DPP10: variants seen among roughly 807,000 people sequenced by gnomAD.
DPP10 encodes the protein dipeptidyl peptidase like 10, also known as inactive dipeptidyl peptidase 10.
Under a neutral mutation model 120.9 loss-of-function variants are expected in DPP10, and 33 were observed. That is an observed-to-expected ratio of 0.27 (90% CI 0.21 to 0.37). The LOEUF (loss-of-function observed/expected upper bound fraction) is 0.37. Among genes scored for constraint, DPP10 ranks in the 10% least tolerant of loss-of-function variants. DPP10 has a pLI of 1.00. For missense variants in DPP10, 816 were observed against 942.8 expected (o/e 0.87, Z 1.76); for synonymous variants, 337 against 326.1 (o/e 1.03, Z -0.36).
intron 1 of DPP10, among the ~76,000 whole-genome samples, chr2:114,661,859 C>A (rs1288327845): frequency 6.6e-6 from 1 of 152,142 alleles, no homozygotes; most frequent in Non-Finnish European, 1.5e-5. Flanking sequence ...AACGTCTTCT[C>A]CTTAATAAAA....
chr2:114,829,453 G>A (rs1024580210), intron 1 of DPP10, among the ~76,000 whole-genome samples: 7 of 148,988 alleles, frequency 4.7e-5, no homozygotes, highest in African/African-American at 1.2e-4. Flanking sequence ...GCAAGACCTC[G>A]GCTCACTGCA....
At chr2:114,582,084 T>C (rs139017700) in intron 1 of DPP10, among the ~76,000 whole-genome samples, 16 of 152,340 alleles carry the variant, frequency 1.1e-4, no homozygotes, top group Non-Finnish European at 2.2e-4. Flanking sequence ...ATAGTTTCAC[T>C]GTCTTAAAAA....
chr2:115,640,484 A>T (rs1339771523), intron 5 of DPP10, among the ~76,000 whole-genome samples: 1 of 151,932 alleles, frequency 6.6e-6, no homozygotes, highest in Admixed American at 6.6e-5. Flanking sequence ...AAAAAACGAC[A>T]TCTTGATCTC....
chr2:114,681,816 T>A (rs1249034315), intron 1 of DPP10, among the ~76,000 whole-genome samples: 1 of 152,034 alleles, frequency 6.6e-6, no homozygotes, highest in Non-Finnish European at 1.5e-5. Context: ...AATAATTAAT[T>A]TGCTATATTT....
At chr2:114,576,012 C>T (rs1260416058) in intron 1 of DPP10, among the ~76,000 whole-genome samples, 3 of 152,136 alleles carry the variant, frequency 2.0e-5, no homozygotes, top group Non-Finnish European at 2.9e-5. Flanking sequence ...ATCAAAAGCA[C>T]CACTACAATT....
At chr2:115,679,486 C>G (rs1488089015) in intron 5 of DPP10, among the ~76,000 whole-genome samples, 1 of 152,114 alleles carries the variant, frequency 6.6e-6, no homozygotes, top group African/African-American at 2.4e-5. Flanking sequence ...TGAGGCCTTC[C>G]CAGCCATTTG....
chr2:114,566,444 A>C (rs115585763), intron 1 of DPP10, among the ~76,000 whole-genome samples: 1 of 152,328 alleles, frequency 6.6e-6, no homozygotes, highest in African/African-American at 2.4e-5. Context: ...GCTCCTCGAC[A>C]TCTTCTTTTC....
chr2:114,998,770 C>T (rs1281535767), intron 1 of DPP10, among the ~76,000 whole-genome samples: 2 of 152,152 alleles, frequency 1.3e-5, no homozygotes, highest in African/African-American at 2.4e-5. Context: ...ACAGAAAACG[C>T]ACAGAGGAAA....
At chr2:114,772,414 C>T (rs139236994) in intron 1 of DPP10, among the ~76,000 whole-genome samples, 4,709 of 152,152 alleles carry the variant, frequency 0.031, 255 homozygotes, top group African/African-American at 0.11. Context: ...CCCACTCGGC[C>T]TACCAAAGTG....
intron 1 of DPP10, among the ~76,000 whole-genome samples, chr2:114,651,929 C>T (rs1696614720): frequency 6.6e-6 from 1 of 152,050 alleles, no homozygotes; most frequent in African/African-American, 2.4e-5. Context: ...ATGTGCTTGC[C>T]CGGAAGATGA....
intron 5 of DPP10, among the ~76,000 whole-genome samples, chr2:115,633,216 T>C (rs2149324203): frequency 6.6e-6 from 1 of 152,286 alleles, no homozygotes; most frequent in Non-Finnish European, 1.5e-5. Context: ...ATTAAGACAA[T>C]GTGGCACATA....
At chr2:114,564,050 A>G (rs944797497) in intron 1 of DPP10, among the ~76,000 whole-genome samples, 1 of 152,222 alleles carries the variant, frequency 6.6e-6, no homozygotes, top group African/African-American at 2.4e-5. Context: ...TTCGCCTTCC[A>G]GCAATCGATT....
chr2:115,106,391 G>A (rs1417696938), intron 1 of DPP10, among the ~76,000 whole-genome samples: 13 of 152,138 alleles, frequency 8.5e-5, no homozygotes, highest in Non-Finnish European at 5.9e-5. Context: ...TTAGAAATGA[G>A]GGAATAAAGT....
chr2:115,753,283 G>C lies in DPP10; in HGVS notation c.1060G>C (p.Gly354Arg), dbSNP rs1575681945. 2 of 1,600,932 alleles carry C rather than the reference G, an allele frequency of 1.2e-6. No homozygotes were observed. Among genetic ancestry groups the C allele is most frequent in the East Asian group, 4.5e-5 (2 of 44,264 alleles). Residue 354 changes from glycine to arginine, a missense_variant, in exon 11 of 26, where the codon GGT becomes CGT. By Grantham distance (125) the Gly-to-Arg change is moderately radical (BLOSUM62 -2). This residue lies in a region of DPP10 where 592 missense variants were observed against 649.0 expected (regional missense o/e 0.91). Transcript: ENST00000410059. The part of the protein sequence containing the change: ...SILTVCETTT[G>R]ACSKKYEMTS... ...CCTCACAGTCTGTGAGACCACTACA[G>C]GTGCTTGTAGTAAAGTGAGTATAAT...
chr2:115,010,549 T>G (rs527994703), intron 1 of DPP10, among the ~76,000 whole-genome samples: 1 of 151,742 alleles, frequency 6.6e-6, no homozygotes, highest in Admixed American at 6.6e-5. Flanking sequence ...TATGTATGTG[T>G]ATATATATAT....
chr2:115,518,865 A>G (rs760805244), intron 4 of DPP10, among the ~76,000 whole-genome samples: 4 of 152,122 alleles, frequency 2.6e-5, no homozygotes, highest in Non-Finnish European at 4.4e-5. Flanking sequence ...TAGCTTTTAT[A>G]TGCTGTATTC....
At chr2:115,187,054 TTG>T (rs2054504661) in intron 1 of DPP10, among the ~76,000 whole-genome samples, 3 of 97,926 alleles carry the variant, frequency 3.1e-5, no homozygotes, top group African/African-American at 1.2e-4. Flanking sequence ...TTTTTTTTTT[TTG>T]AGACGGAGTT....
At chr2:115,682,577 G>A (rs1343726068) in intron 5 of DPP10, among the ~76,000 whole-genome samples, 2 of 151,634 alleles carry the variant, frequency 1.3e-5, no homozygotes, top group African/African-American at 4.8e-5. Flanking sequence ...GATTTATTCT[G>A]CCTGCTCAAA....
At chr2:114,878,379 A>G (rs1035451826) in intron 1 of DPP10, among the ~76,000 whole-genome samples, 4 of 152,112 alleles carry the variant, frequency 2.6e-5, no homozygotes, top group Admixed American at 2.0e-4. Context: ...TAATCAAACC[A>G]GGTATTTAGG....
Sources: allele counts gnomAD v4.1 joint callset (sites outside exome capture counted in the v4.1 genomes callset), GRCh38; gene constraint gnomAD v4.1.1; regional missense constraint gnomAD v4.1.1; transcripts MANE v1.5; gene names NCBI Gene and HGNC (gene_info 2026-07-23, HGNC 2026-07-21).